ZNF132: variants seen among roughly 807,000 people sequenced by gnomAD.
ZNF132 encodes the protein zinc finger protein 132.
Under a neutral mutation model 9.3 loss-of-function variants are expected in ZNF132, and 6 were observed. That is an observed-to-expected ratio of 0.65 (90% CI 0.35 to 1.28). The LOEUF is 1.28. Ranked by LOEUF, ZNF132 falls within the 50% of genes most tolerant of loss-of-function variation. The probability of loss-of-function intolerance (pLI) is 0.03; values close to 1 mark genes in which losing one functional copy is unlikely to be tolerated. For synonymous variants in ZNF132, 296 were observed against 292.0 expected (o/e 1.01, Z -0.14); for missense variants, 877 against 843.2 (o/e 1.04, Z -0.50).
At chr19:58,437,600 C>T (rs763393938) in intron 1 of ZNF132, 6 of 759,424 alleles carry the variant, frequency 7.9e-6, no homozygotes, top group Non-Finnish European at 8.0e-6. Context: ...GGGCCATGGG[C>T]CCAATGGTTC....
Position 58,433,605 on chromosome 19 carries a change from G to C in ZNF132, c.1839C>G (p.Ser613Arg), listed in dbSNP as rs769099230. 3 of 1,613,902 alleles carry C rather than the reference G, an allele frequency of 1.9e-6. No individual in the cohort carries two copies. The highest frequency in any genetic ancestry group is 2.2e-5 in the East Asian group (1 of 44,840). ...TGTGAACTCTCCAGTGACAAATAAG[G>C]CTGGATTTTCGGCTAAAGAATTTCC... ...ECGKFFSRKS[S>R]LICHWRVHTG... Residue 613 changes from serine (S) to arginine (R), a missense_variant, in exon 3 of 3, where the codon AGC (serine) becomes AGG (arginine). By Grantham distance (110) the Ser-to-Arg change is moderately radical. Transcript: ENST00000254166.
chr19:58,440,050 G>C lies in ZNF132; in HGVS notation c.-229C>G, dbSNP rs1362104879. 4 of 538,338 alleles carry C rather than the reference G, an allele frequency of 7.4e-6. 1 individual carries two copies. The highest frequency in any genetic ancestry group is 9.2e-4 in the Middle Eastern group (2 of 2,166). 33.3% of individuals were successfully genotyped at this position (538,338 alleles called of 1,614,324 possible). On this transcript the variant is annotated 5_prime_UTR_variant, in exon 1 of 3. Transcript: ENST00000254166. Reference sequence around the variant, plus strand: ...AGTAATTAGCCGGGCACTATGGTGCGTGTGAAGGCGCGGTGACGGTCCCTG... The same window carrying C: ...AGTAATTAGCCGGGCACTATGGTGCCTGTGAAGGCGCGGTGACGGTCCCTG...
rs1328788768 is a variant in ZNF132, at chr19:58,434,679, C to T, written c.765G>A (p.Leu255=). ...ATGGTATCTCTTCAGAGTGAGTTCT[C>T]AGATGGTTGGGGAGAGTGGAGCTCT... ...FLKSSTLPNH[L]RTHSEEIPFT... The change falls in exon 3 of 3, where the codon CTG becomes CTA. Residue 255 remains leucine (L), a synonymous_variant. Coordinates refer to ENST00000254166, the MANE Select transcript of ZNF132 (RefSeq NM_003433.4). The T allele has an allele frequency of 6.2e-7, 1 of 1,614,208 alleles. No homozygotes were observed. The highest frequency in any genetic ancestry group is 1.1e-5 in the South Asian group (1 of 91,082).
chr19:58,433,499 G>T lies in ZNF132; in HGVS notation c.1945C>A (p.His649Asn), dbSNP rs554864983. The T allele has an allele frequency of 3.8e-5, 62 of 1,614,042 alleles. No homozygotes were observed. The South Asian group carries it at 6.6e-4, about 17-fold the overall frequency. ...NSHLVRHQRV[H>N]TQERPYECIQ... is the part of the protein sequence containing the mutation. ...CACTCATAGGGCCTTTCTTGTGTGT[G>T]AACTCTCTGATGACGAACCAGGTGG... The change falls in exon 3 of 3, where the codon CAC becomes AAC. Residue 649 changes from histidine to asparagine, a missense_variant. By Grantham distance (68) the His-to-Asn change is moderately conservative (BLOSUM62 1). Transcript: ENST00000254166.
At chr19:58,436,692 AG>A (rs2052775097) in intron 2 of ZNF132, among the ~76,000 whole-genome samples, 15 of 146,290 alleles carry the variant, frequency 1.0e-4, no homozygotes, top group South Asian at 2.1e-4. Context: ...AAAAAAAAAA[AG>A]GAAAAAAAAA....
At chr19:58,438,185 A>G (rs983880527) in intron 1 of ZNF132, among the ~76,000 whole-genome samples, 3 of 152,206 alleles carry the variant, frequency 2.0e-5, no homozygotes, top group East Asian at 3.8e-4. Flanking sequence ...TTTTGCCGCT[A>G]TGCTTCACTG....
rs765988599 is a variant in ZNF132 at position 58,439,777 on chromosome 19, C to A, written c.45G>T (p.Leu15Phe). ...CACTTACCTGCGCCGGGCCCATCAG[C>A]AACGCTGGCAACCCCATTAGAACCT... is the stretch of plus-strand genomic sequence containing the variant. ...SPQVLMGLPA[L>F]LMGPAQHTSW... The change falls in exon 1 of 3, where the codon TTG (leucine) becomes TTT (phenylalanine). Residue 15 changes from leucine (L) to phenylalanine (F), a missense_variant. Transcript: ENST00000254166. The A allele has an allele frequency of 8.4e-6, 13 of 1,545,138 alleles. No homozygotes were observed. The African/African-American group carries it at 1.8e-4, about 21-fold the overall frequency.
Position 58,437,201 on chromosome 19 carries a change from G to T in ZNF132, c.78C>A (p.Pro26=). The T allele has an allele frequency of 6.3e-7, 1 of 1,599,564 alleles. No individual in the cohort carries two copies. Among genetic ancestry groups the T allele is most frequent in the Non-Finnish European group, 8.5e-7 (1 of 1,173,862 alleles). Residue 26 remains proline, a synonymous_variant, in exon 2 of 3, where the codon CCC becomes CCA. Transcript: ENST00000254166. The part of the protein sequence containing the change: ...LMGPAQHTSW[P]CGSAVPTLKS... ...TCAATGTGGGGACAGCTGAGCCACAGGGCCAAGAAGTATGCTGACAAAGAA... is the reference window on the plus strand; with the variant it reads ...TCAATGTGGGGACAGCTGAGCCACATGGCCAAGAAGTATGCTGACAAAGAA...
At chr19:58,439,436 A>G (rs994072393) in intron 1 of ZNF132, among the ~76,000 whole-genome samples, 4 of 152,066 alleles carry the variant, frequency 2.6e-5, no homozygotes, top group African/African-American at 9.7e-5. Flanking sequence ...CCCTGTTTCC[A>G]CCAGACTAAA....
At position 58,433,926 on chromosome 19, in the gene ZNF132, C is replaced by T. The variant is rs766018632; in HGVS notation, c.1518G>A (p.Gln506=). 6.2e-7 allele frequency: 1 copy of T among 1,614,150 alleles called. No individual in the cohort carries two copies. Among genetic ancestry groups the T allele is most frequent in the Non-Finnish European group, 8.5e-7 (1 of 1,180,038 alleles). The change falls in exon 3 of 3, where the codon CAG becomes CAA. Residue 506 remains glutamine, a synonymous_variant. Transcript: ENST00000254166. ...AAGGCCTTTGCCCAGTATGTACTTT[C>T]TGGTGCTGGATGAGGGTGGAGCTAT... The part of the protein sequence containing the change: ...FSNSSTLIQH[Q]KVHTGQRPYE...
chr19:58,437,243 A>G lies in ZNF132; in HGVS notation c.64-28T>C, dbSNP rs76156338. The G allele has an allele frequency of 0.011, 17,950 of 1,565,010 alleles. 1,430 individuals carry two copies. The African/African-American group carries it at 0.19, about 17-fold the overall frequency. ...GACAAAGAAACAAACAATTGGTCAA[A>G]TGGAAATATGCAGGACCTTGCTGTG... is the stretch of plus-strand genomic sequence containing the variant. On this transcript the variant is annotated intron_variant, in intron 1 of 2. Coordinates refer to ENST00000254166, the MANE Select transcript of ZNF132 (RefSeq NM_003433.4).
At position 58,433,661 on chromosome 19, in the gene ZNF132, C is replaced by T; in HGVS notation, c.1783G>A (p.Gly595Arg). 2 of 1,614,078 alleles carry T rather than the reference C, an allele frequency of 1.2e-6. No individual in the cohort carries two copies. The highest frequency in any genetic ancestry group is 1.7e-6 in the Non-Finnish European group (2 of 1,180,016). Residue 595 changes from glycine to arginine, a missense_variant, in exon 3 of 3, where the codon GGA (glycine) becomes AGA (arginine). By Grantham distance (125) the Gly-to-Arg change is moderately radical. Coordinates refer to ENST00000254166, the MANE Select transcript of ZNF132 (RefSeq NM_003433.4). ...ILIKHQKVHTGEKPYKCSECG... is the reference protein window; with the variant it reads ...ILIKHQKVHTREKPYKCSECG... ...TCACTGCATTTATAAGGCTTTTCTCCAGTATGAACTTTCTGATGCTTAATG... is the reference window on the plus strand; with the variant it reads ...TCACTGCATTTATAAGGCTTTTCTCTAGTATGAACTTTCTGATGCTTAATG...
rs750582642 is a variant in ZNF132, at chr19:58,434,967, C to T, written c.477G>A (p.Gln159=). The change falls in exon 3 of 3, where the codon CAG becomes CAA. Residue 159 remains glutamine (Q), a synonymous_variant. Transcript: ENST00000254166. The part of the protein sequence containing the change: ...RDFWLNANLH[Q]HQKEHSGGKP... The stretch of plus-strand genomic sequence containing the variant: ...TCCCTCCACTGTGCTCCTTCTGGTG[C>T]TGGTGAAGGTTTGCATTCAACCAAA... 3 of 1,614,192 alleles carry T rather than the reference C, an allele frequency of 1.9e-6. No homozygotes were observed. The Admixed American group carries it at 5.0e-5, about 27-fold the overall frequency.
rs1017200488 is a variant in ZNF132, at chr19:58,434,037, G to A, written c.1407C>T (p.Ser469=). Residue 469 remains serine (S), a synonymous_variant, in exon 3 of 3, where the codon AGC becomes AGT. Coordinates refer to ENST00000254166, the MANE Select transcript of ZNF132 (RefSeq NM_003433.4). ...GATGTCGAAGGAGATGGGAGCTTTG[G>A]CTGAAGTCTCTTCCACATTCACTGC... ...FECSECGRDF[S]QSSHLLRHQK... is the part of the protein sequence containing the mutation. The A allele has an allele frequency of 1.3e-5, 21 of 1,613,930 alleles. No homozygotes were observed. Among genetic ancestry groups the A allele is most frequent in the Non-Finnish European group, 1.6e-5 (19 of 1,180,010 alleles).
intron 2 of ZNF132, chr19:58,436,319 G>A (rs2052772413): frequency 1.3e-5 from 2 of 154,468 alleles, no homozygotes; most frequent in Non-Finnish European, 2.9e-5. Context: ...ACTAGACTGT[G>A]TACTTTAAAA....
In ZNF132 at chr19:58,439,940, C is replaced by G; in HGVS notation, c.-119G>C. The G allele has an allele frequency of 9.4e-7, 1 of 1,058,880 alleles. No homozygotes were observed. The highest frequency in any genetic ancestry group is 1.4e-6 in the Non-Finnish European group (1 of 735,340). 65.6% of individuals were successfully genotyped at this position (1,058,880 alleles called of 1,614,324 possible). A position where few individuals can be genotyped will look rare whatever the true frequency, so the allele number is the denominator to read the frequency against. ...AAATGCGCGCAAGGCCTCTGGGCACCGCAGGGACGAAGGCTGGGTATGGAG... is the reference window on the plus strand; with the variant it reads ...AAATGCGCGCAAGGCCTCTGGGCACGGCAGGGACGAAGGCTGGGTATGGAG... On this transcript the variant is annotated 5_prime_UTR_variant, in exon 1 of 3. Coordinates refer to ENST00000254166, the MANE Select transcript of ZNF132 (RefSeq NM_003433.4).
At chr19:58,436,187 G>A (rs762367978) in intron 2 of ZNF132, 6 of 154,058 alleles carry the variant, frequency 3.9e-5, no homozygotes, top group Non-Finnish European at 7.3e-5. Context: ...AGGGATAAGG[G>A]AACATGGGGA....
intron 1 of ZNF132, among the ~76,000 whole-genome samples, chr19:58,438,471 A>AT (rs1213035889): frequency 5.3e-5 from 7 of 132,466 alleles, no homozygotes; most frequent in African/African-American, 2.1e-4. Flanking sequence ...ATCTAAGGTC[A>AT]ATTTTTTTTT....
At position 58,433,519 on chromosome 19, in the gene ZNF132, A is replaced by G. The variant is rs141595419; in HGVS notation, c.1925T>C (p.Leu642Pro). The change falls in exon 3 of 3, where the codon CTG becomes CCG. Residue 642 changes from leucine to proline, a missense_variant. Leu to Pro is a moderately conservative substitution (Grantham distance 98, BLOSUM62 -3). Coordinates refer to ENST00000254166, the MANE Select transcript of ZNF132 (RefSeq NM_003433.4). ...TGTGTGAACTCTCTGATGACGAACCAGGTGGGAGTTACTGCTAAAGGCTCT... is the reference window on the plus strand; with the variant it reads ...TGTGTGAACTCTCTGATGACGAACCGGGTGGGAGTTACTGCTAAAGGCTCT... ...CGRAFSSNSH[L>P]VRHQRVHTQE... 180 of 1,614,076 alleles carry G rather than the reference A, an allele frequency of 1.1e-4. No homozygotes were observed. Among genetic ancestry groups the G allele is most frequent in the Non-Finnish European group, 1.0e-4 (122 of 1,180,026 alleles).
Sources: allele counts gnomAD v4.1 joint callset (sites outside exome capture counted in the v4.1 genomes callset), GRCh38; gene constraint gnomAD v4.1.1; transcripts MANE v1.5; gene names NCBI Gene and HGNC (gene_info 2026-07-23, HGNC 2026-07-21).